UBR3: variants seen among roughly 807,000 people sequenced by gnomAD.
The protein encoded by UBR3 is ubiquitin protein ligase E3 component n-recognin 3.
Under a neutral mutation model 243.2 loss-of-function variants are expected in UBR3, and 85 were observed. The observed-to-expected ratio is 0.35, with a 90% CI of 0.29 to 0.42. UBR3 has a LOEUF of 0.42. UBR3 is among the 10% of genes least tolerant of loss of function. The pLI, the probability that UBR3 is intolerant of heterozygous loss-of-function variation, is 1.00. For synonymous variants in UBR3, 748 were observed against 799.8 expected (o/e 0.94, Z 1.09); for missense variants, 1,686 against 2,300.8 (o/e 0.73, Z 5.47).
intron 1 of UBR3, among the ~76,000 whole-genome samples, chr2:169,832,544 G>A (rs1181360101): frequency 1.3e-5 from 2 of 151,756 alleles, no homozygotes; most frequent in African/African-American, 4.8e-5. Context: ...TCCAGCCTGG[G>A]CGACAGAGCG....
At chr2:169,865,213 A>G (rs7597281) in intron 1 of UBR3, among the ~76,000 whole-genome samples, 8,705 of 152,192 alleles carry the variant, frequency 0.057, 464 homozygotes, top group African/African-American at 0.14. Context: ...GGGTCATGCT[A>G]TATTGCCCAA....
intron 37 of UBR3, 22 bp downstream of exon 37, chr2:170,080,045 A>T (rs779482797): frequency 3.1e-6 from 5 of 1,588,304 alleles, no homozygotes; most frequent in Non-Finnish European, 3.4e-6. Context: ...TAGATAATAC[A>T]AAATTTATGA....
intron 1 of UBR3, among the ~76,000 whole-genome samples, chr2:169,849,365 C>T (rs1350093016): frequency 1.3e-5 from 2 of 152,254 alleles, no homozygotes; most frequent in South Asian, 2.1e-4. Flanking sequence ...AAGGGGCTCA[C>T]ACAACCTCTT....
rs566276718 is a variant in UBR3 at position 169,865,947 on chromosome 2, C to G, written c.546-6289C>G. Among the ~76,000 whole-genome samples, 3 of 152,026 alleles carry G rather than the reference C, an allele frequency of 2.0e-5. No homozygotes were observed. In the South Asian group the frequency reaches 6.2e-4, roughly 32 times the overall value. Reference sequence around the variant, plus strand: ...GGTGCATCACCTGAGGTCAGGAGTTCGGGACCAACCTGGCCAACATGGCGA... The same window carrying G: ...GGTGCATCACCTGAGGTCAGGAGTTGGGGACCAACCTGGCCAACATGGCGA... On this transcript the variant is annotated intron_variant, in intron 1 of 38. Transcript: ENST00000272793.
At chr2:169,857,068 T>TGTTTTG (rs759330481) in intron 1 of UBR3, among the ~76,000 whole-genome samples, 1 of 84,614 alleles carries the variant, frequency 1.2e-5, no homozygotes. Flanking sequence ...TATTATGTTT[T>TGTTTTG]TTTTTTTTTT....
intron 27 of UBR3, among the ~76,000 whole-genome samples, 159 bp downstream of exon 27, chr2:170,001,573 A>T (rs2089697866): frequency 6.6e-6 from 1 of 152,118 alleles, no homozygotes; most frequent in Non-Finnish European, 1.5e-5. Context: ...GTTCAACTTC[A>T]AGGATTTTCA....
At chr2:170,031,281 G>T (rs1026740811) in intron 31 of UBR3, among the ~76,000 whole-genome samples, 4 of 151,952 alleles carry the variant, frequency 2.6e-5, no homozygotes, top group African/African-American at 9.7e-5. Flanking sequence ...TGTATTATGG[G>T]TATTAGTCCT....
At chr2:169,883,978 G>A (rs560520418) in intron 5 of UBR3, among the ~76,000 whole-genome samples, 4 of 151,324 alleles carry the variant, frequency 2.6e-5, no homozygotes, top group South Asian at 2.1e-4. Context: ...GACTACAGGC[G>A]CGTGCCACCA....
At chr2:170,039,183 T>G (rs2090904063) in intron 31 of UBR3, among the ~76,000 whole-genome samples, 1 of 152,098 alleles carries the variant, frequency 6.6e-6, no homozygotes, top group South Asian at 2.1e-4. Context: ...ATCAGAGAGA[T>G]AGAAGGTAAC....
chr2:170,024,272 T>C (rs1321902305), intron 30 of UBR3, among the ~76,000 whole-genome samples: 1 of 145,008 alleles, frequency 6.9e-6, no homozygotes, highest in Admixed American at 7.2e-5. Flanking sequence ...GAGAATTGCT[T>C]GAATCCGGGA....
chr2:169,950,149 C>T, intron 23 of UBR3, 84 bp downstream of exon 23: 1 of 1,271,714 alleles, frequency 7.9e-7, no homozygotes, highest in Non-Finnish European at 1.1e-6. Flanking sequence ...AGGATAATCA[C>T]CTGGATGTTT....
At chr2:169,842,452 C>T (rs371303506) in intron 1 of UBR3, among the ~76,000 whole-genome samples, 20 of 152,044 alleles carry the variant, frequency 1.3e-4, no homozygotes, top group African/African-American at 4.8e-4. Flanking sequence ...TGGCAACCCT[C>T]TCGGGTCCCC....
chr2:170,026,088 T>C (rs1228603040), intron 30 of UBR3, among the ~76,000 whole-genome samples: 1 of 151,754 alleles, frequency 6.6e-6, no homozygotes, highest in Non-Finnish European at 1.5e-5. Context: ...AAGGATGGCT[T>C]TTCCTTTTTT....
intron 24 of UBR3, among the ~76,000 whole-genome samples, chr2:169,980,841 G>A (rs1021673883): frequency 2.2e-5 from 3 of 137,360 alleles, no homozygotes; most frequent in African/African-American, 8.3e-5. Context: ...TAGGGTCCTT[G>A]GAGGCATGGT....
intron 13 of UBR3, among the ~76,000 whole-genome samples, chr2:169,924,998 C>T (rs2085855683): frequency 1.3e-5 from 2 of 152,120 alleles, no homozygotes; most frequent in Non-Finnish European, 2.9e-5. Flanking sequence ...CGCGCCACTG[C>T]ACTCCAGTCT....
At chr2:170,024,568 T>TA (rs2105418626) in intron 30 of UBR3, among the ~76,000 whole-genome samples, 1 of 152,066 alleles carries the variant, frequency 6.6e-6, no homozygotes, top group Admixed American at 6.5e-5. Context: ...TTCATACACA[T>TA]ACATGTGAAA....
chr2:170,060,994 TTACTC>T (rs2091445406), intron 33 of UBR3, 80 bp from the exon 34 acceptor site: 8 of 923,770 alleles, frequency 8.7e-6, no homozygotes, highest in Non-Finnish European at 1.2e-5. Context: ...AATCACAGTT[TTACTC>T]TACTCATTAA....
intron 24 of UBR3, among the ~76,000 whole-genome samples, chr2:169,975,823 A>C (rs1056943051): frequency 1.3e-5 from 2 of 152,086 alleles, no homozygotes; most frequent in Non-Finnish European, 2.9e-5. Flanking sequence ...ACAGGAATTC[A>C]GAATTCCTTT....
intron 11 of UBR3, among the ~76,000 whole-genome samples, chr2:169,916,740 T>C (rs1387543547): frequency 1.3e-5 from 2 of 152,018 alleles, no homozygotes; most frequent in Admixed American, 1.3e-4. Flanking sequence ...CCATGCCAGG[T>C]CAGTCCCCAT....
Sources: allele counts gnomAD v4.1 joint callset (sites outside exome capture counted in the v4.1 genomes callset), GRCh38; gene constraint gnomAD v4.1.1; transcripts MANE v1.5; gene names NCBI Gene and HGNC (gene_info 2026-07-23, HGNC 2026-07-21).